The following ZFHX4 variants were observed in gnomAD, a reference collection of about 807,000 sequenced individuals.
ZFHX4 encodes zinc finger homeobox 4.
Under a neutral mutation model 267.6 loss-of-function variants are expected in ZFHX4, and 56 were observed. The ratio of observed to expected loss-of-function variants is 0.21; its 90% CI spans 0.17 to 0.26. ZFHX4 has a LOEUF of 0.26. Among genes scored for constraint, ZFHX4 ranks in the 10% least tolerant of loss-of-function variants. The pLI is 1.00. For missense variants in ZFHX4, 4,332 were observed against 4,420.0 expected (o/e 0.98, Z 0.56); for synonymous variants, 1,778 against 1,665.6 (o/e 1.07, Z -1.64).
At chr8:76,732,068 C>G (rs1467013052) in intron 3 of ZFHX4, among the ~76,000 whole-genome samples, 1 of 151,986 alleles carries the variant, frequency 6.6e-6, no homozygotes, top group Non-Finnish European at 1.5e-5. Context: ...TCTTGAACTC[C>G]TGACCTCAAG....
intron 4 of ZFHX4, among the ~76,000 whole-genome samples, chr8:76,817,348 GA>G (rs2131856549): frequency 6.6e-6 from 1 of 152,204 alleles, no homozygotes; most frequent in East Asian, 1.9e-4. Context: ...CTCATTTGTA[GA>G]AATGATATTG....
chr8:76,709,802 CGTGTGTGTGT>C (rs34448728), intron 3 of ZFHX4, among the ~76,000 whole-genome samples: 4,931 of 140,150 alleles, frequency 0.035, 108 homozygotes, highest in Non-Finnish European at 0.048. Context: ...CGTGTGTGTG[CGTGTGTGTGT>C]GTGTGTGTGT....
intron 1 of ZFHX4, among the ~76,000 whole-genome samples, chr8:76,698,025 A>G (rs1808004161): frequency 6.6e-6 from 1 of 152,080 alleles, no homozygotes; most frequent in Non-Finnish European, 1.5e-5. Context: ...GAAATCCTTA[A>G]CCTTTAATGA....
intron 4 of ZFHX4, among the ~76,000 whole-genome samples, chr8:76,795,730 G>A (rs1429552402): frequency 6.6e-6 from 1 of 151,804 alleles, no homozygotes; most frequent in Non-Finnish European, 1.5e-5. Flanking sequence ...AGTAGAGACG[G>A]GGTTTCTCCA....
chr8:76,693,043 T>C (rs143002080), intron 1 of ZFHX4, among the ~76,000 whole-genome samples: 22 of 152,326 alleles, frequency 1.4e-4, no homozygotes, highest in Non-Finnish European at 2.1e-4. Flanking sequence ...TTAACATTTT[T>C]CATGATGCTT....
At chr8:76,696,363 C>A (rs149563517) in intron 1 of ZFHX4, among the ~76,000 whole-genome samples, 1 of 152,014 alleles carries the variant, frequency 6.6e-6, no homozygotes, top group Admixed American at 6.6e-5. Flanking sequence ...TCCTGAGATA[C>A]TTTTCCTGTA....
At chr8:76,787,301 A>G (rs2131797478) in intron 4 of ZFHX4, among the ~76,000 whole-genome samples, 1 of 152,254 alleles carries the variant, frequency 6.6e-6, no homozygotes, top group Non-Finnish European at 1.5e-5. Context: ...AATCTGAAAC[A>G]AAATGCATGA....
Position 76,851,947 on chromosome 8 carries a change from C to T in ZFHX4, c.5026C>T (p.Pro1676Ser). The T allele has an allele frequency of 6.2e-7, 1 of 1,613,960 alleles. No individual in the cohort carries two copies. Among genetic ancestry groups the T allele is most frequent in the Non-Finnish European group, 8.5e-7 (1 of 1,179,864 alleles). ...CAAAGAATTAAATAAAAAGCAAACTCCTGATTTAATCTCTGCTCAACCTGC... is the reference window on the plus strand; with the variant it reads ...CAAAGAATTAAATAAAAAGCAAACTTCTGATTTAATCTCTGCTCAACCTGC... The part of the protein sequence containing the change: ...DAKELNKKQT[P>S]DLISAQPAHH... The change falls in exon 10 of 11, where the codon CCT (proline) becomes TCT (serine). Residue 1676 changes from proline to serine, a missense_variant. Physicochemically the swap from Pro to Ser is moderately conservative, Grantham distance 74. Coordinates refer to ENST00000651372, the MANE Select transcript of ZFHX4 (RefSeq NM_024721.5).
Position 76,864,012 on chromosome 8 carries a change from T to C in ZFHX4, c.10298T>C (p.Ile3433Thr), listed in dbSNP as rs752828496. ...TTCTGTTATTTCGGTCAGCCTTTGA[T>C]TGACCCACAAGAGACAGTGCTTCGT... is the stretch of plus-strand genomic sequence containing the variant. ...KSFCYFGQPL[I>T]DPQETVLRVP... Residue 3433 changes from isoleucine (I) to threonine (T), a missense_variant, in exon 11 of 11, where the codon ATT becomes ACT. This residue lies in a region of ZFHX4 where 1,648 missense variants were observed against 1,625.0 expected (regional missense o/e 1.01). Coordinates refer to ENST00000651372, the MANE Select transcript of ZFHX4 (RefSeq NM_024721.5). 6 of 1,613,830 alleles carry C rather than the reference T, an allele frequency of 3.7e-6. No individual in the cohort carries two copies. The highest frequency in any genetic ancestry group is 3.3e-5 in the Admixed American group (2 of 59,992).
At chr8:76,703,949 C>A in intron 1 of ZFHX4, 94 bp from the exon 2 acceptor site, 1 of 901,720 alleles carries the variant, frequency 1.1e-6, no homozygotes, top group Non-Finnish European at 1.7e-6. Context: ...TTTAGATAGT[C>A]ACGTTTACAG....
chr8:76,720,257 G>C (rs868802452), intron 3 of ZFHX4, among the ~76,000 whole-genome samples: 2 of 152,060 alleles, frequency 1.3e-5, no homozygotes, highest in Non-Finnish European at 2.9e-5. Context: ...CATATAGATG[G>C]AATCATAGTA....
At position 76,703,205 on chromosome 8, in the gene ZFHX4, C is replaced by T. The variant is rs575063491; in HGVS notation, c.-46-838C>T. Among the ~76,000 whole-genome samples, 5 of 151,992 alleles carry T rather than the reference C, an allele frequency of 3.3e-5. No individual in the cohort carries two copies. The South Asian group carries it at 1.0e-3, about 32-fold the overall frequency. On this transcript the variant is annotated intron_variant, in intron 1 of 10. Transcript: ENST00000651372. ...TGATTTGTTAAGCCAGGGGAGATGT[C>T]GATTGAGGCAGTGGTTGAGAGATGG...
chr8:76,776,720 T>A (rs978464005), intron 3 of ZFHX4, among the ~76,000 whole-genome samples: 13 of 152,170 alleles, frequency 8.5e-5, no homozygotes, highest in African/African-American at 3.1e-4. Flanking sequence ...GGAATGGGAA[T>A]GATCAGAAAC....
In ZFHX4 at chr8:76,852,006, G is replaced by A; in HGVS notation, c.5085G>A (p.Gln1695=). The A allele has an allele frequency of 1.9e-6, 3 of 1,613,940 alleles. No individual in the cohort carries two copies. Among genetic ancestry groups the A allele is most frequent in the Admixed American group, 3.3e-5 (2 of 60,020 alleles). Residue 1695 remains glutamine, a synonymous_variant, in exon 10 of 11, where the codon CAG becomes CAA. Coordinates refer to ENST00000651372, the MANE Select transcript of ZFHX4 (RefSeq NM_024721.5). ...HHPPQSPAQI[Q]MQLQHELQQQ... is the part of the protein sequence containing the mutation. ...CACCACAGTCACCAGCACAAATTCAGATGCAACTACAGCACGAATTACAAC... is the reference window on the plus strand; with the variant it reads ...CACCACAGTCACCAGCACAAATTCAAATGCAACTACAGCACGAATTACAAC...
intron 3 of ZFHX4, among the ~76,000 whole-genome samples, chr8:76,741,204 A>G (rs986261608): frequency 1.3e-5 from 2 of 152,214 alleles, no homozygotes; most frequent in Non-Finnish European, 2.9e-5. Flanking sequence ...GAGACTAGGA[A>G]CAGATGACAG....
rs543676589 is a variant in ZFHX4 at position 76,712,178 on chromosome 8, G to A, written c.3093+4130G>A. On this transcript the variant is annotated intron_variant, in intron 3 of 10. Transcript: ENST00000651372. ...ATGGTGAGCAAAGGAACACACTTGG[G>A]ATTTAGTCCTAGGTAACTTTTAGTG... is the stretch of plus-strand genomic sequence containing the variant. 3.3e-5 allele frequency among the ~76,000 whole-genome samples: 5 copies of A among 152,254 alleles called. No homozygotes were observed. In the East Asian group the frequency reaches 9.7e-4, roughly 29 times the overall value.
intron 4 of ZFHX4, among the ~76,000 whole-genome samples, chr8:76,806,787 T>G (rs1811256544): frequency 6.6e-6 from 1 of 152,134 alleles, no homozygotes; most frequent in South Asian, 2.1e-4. Flanking sequence ...TTGATTTTTT[T>G]TGTTTTTGTT....
At chr8:76,771,255 A>G (rs1484291688) in intron 3 of ZFHX4, among the ~76,000 whole-genome samples, 1 of 152,022 alleles carries the variant, frequency 6.6e-6, no homozygotes, top group Non-Finnish European at 1.5e-5. Flanking sequence ...GAAATTATGT[A>G]CTTATTTATT....
chr8:76,830,357 A>G (rs1811902571), intron 4 of ZFHX4, among the ~76,000 whole-genome samples: 1 of 152,228 alleles, frequency 6.6e-6, no homozygotes, highest in Non-Finnish European at 1.5e-5. Flanking sequence ...TATTAAAACA[A>G]CGAAGGTCAG....
Sources: gnomAD v4.1 joint callset for allele counts (sites outside exome capture counted in the v4.1 genomes callset) on GRCh38, gnomAD v4.1.1 for gene constraint, gnomAD v4.1.1 regional missense constraint, MANE v1.5 for transcripts, NCBI Gene and HGNC (gene_info 2026-07-23, HGNC 2026-07-21) for gene names.